Variants in HEMK2 observed in about 807,000 individuals in gnomAD.
HEMK2 encodes methyltransferase HEMK2.
chr21:28,710,211 A>G, the HEMK2 span, among the ~76,000 whole-genome samples: 66 of 152,364 alleles, frequency 4.3e-4, no homozygotes, highest in African/African-American at 1.5e-3. Context: ...TTAATTACAG[A>G]TAAAACCAAC....
the HEMK2 span, among the ~76,000 whole-genome samples, chr21:28,680,873 A>G: frequency 6.6e-6 from 1 of 152,220 alleles, no homozygotes; most frequent in Non-Finnish European, 1.5e-5. Context: ...AAAAACTCTC[A>G]ATAAATTAGG....
chr21:28,581,103 T>C, the HEMK2 span, among the ~76,000 whole-genome samples: 1 of 152,204 alleles, frequency 6.6e-6, no homozygotes. Context: ...AAGGCCCTTT[T>C]GTCAAGCAGT....
At chr21:28,863,410 TTATATATATATATATATATA>T in the HEMK2 span, among the ~76,000 whole-genome samples, 815 of 38,946 alleles carry the variant, frequency 0.021, 25 homozygotes, top group South Asian at 0.066. Flanking sequence ...AAACTCCCTT[TTATATATATATATATATATA>T]TATATATATA....
At chr21:28,688,813 A>T in the HEMK2 span, among the ~76,000 whole-genome samples, 2 of 152,182 alleles carry the variant, frequency 1.3e-5, no homozygotes, top group African/African-American at 2.4e-5. Flanking sequence ...TACAATGAAA[A>T]TATATCCCTA....
the HEMK2 span, among the ~76,000 whole-genome samples, chr21:28,786,766 C>A: frequency 6.6e-6 from 1 of 151,820 alleles, no homozygotes; most frequent in Admixed American, 6.6e-5. Context: ...TTATTAAAAT[C>A]TATTTTCAAA....
the HEMK2 span, among the ~76,000 whole-genome samples, chr21:28,773,065 T>A: frequency 6.6e-6 from 1 of 152,202 alleles, no homozygotes; most frequent in East Asian, 1.9e-4. Flanking sequence ...AATAATTACA[T>A]GAGACCCAAG....
At chr21:28,767,260 C>A in the HEMK2 span, among the ~76,000 whole-genome samples, 1 of 151,928 alleles carries the variant, frequency 6.6e-6, no homozygotes, top group Non-Finnish European at 1.5e-5. Context: ...AATTAAACCT[C>A]TTTCTTTTGT....
the HEMK2 span, among the ~76,000 whole-genome samples, chr21:28,755,688 C>A: frequency 6.8e-6 from 1 of 146,186 alleles, no homozygotes; most frequent in Non-Finnish European, 1.5e-5. Context: ...GGTGCTACTG[C>A]ATAGCCATTC....
At chr21:28,808,124 T>C in the HEMK2 span, among the ~76,000 whole-genome samples, 1 of 152,174 alleles carries the variant, frequency 6.6e-6, no homozygotes, top group East Asian at 1.9e-4. Context: ...AGAGAAGTCA[T>C]GGGCCCCAAC....
chr21:28,685,924 G>C, the HEMK2 span, among the ~76,000 whole-genome samples: 1 of 152,158 alleles, frequency 6.6e-6, no homozygotes, highest in African/African-American at 2.4e-5. Context: ...TGGGAGACAG[G>C]GTCCCTGTAT....
At chr21:28,809,895 C>A in the HEMK2 span, among the ~76,000 whole-genome samples, 1 of 152,134 alleles carries the variant, frequency 6.6e-6, no homozygotes, top group East Asian at 1.9e-4. Flanking sequence ...GAATGAGTAG[C>A]AGTTGATCCA....
the HEMK2 span, among the ~76,000 whole-genome samples, chr21:28,810,889 C>T: frequency 6.6e-6 from 1 of 152,156 alleles, no homozygotes; most frequent in Non-Finnish European, 1.5e-5. Flanking sequence ...ATCTGATCTT[C>T]CAAAGGGCTA....
At chr21:28,753,889 G>C in the HEMK2 span, among the ~76,000 whole-genome samples, 1 of 152,142 alleles carries the variant, frequency 6.6e-6, no homozygotes. Flanking sequence ...ATCTAAAAAG[G>C]CAGTGGAATT....
the HEMK2 span, among the ~76,000 whole-genome samples, chr21:28,808,334 T>C: frequency 1.3e-5 from 2 of 152,036 alleles, no homozygotes; most frequent in African/African-American, 4.8e-5. Context: ...TCTTCTTCTT[T>C]TCCAATATTT....
the HEMK2 span, among the ~76,000 whole-genome samples, chr21:28,687,605 G>C: frequency 6.6e-6 from 1 of 151,854 alleles, no homozygotes; most frequent in African/African-American, 2.4e-5. Flanking sequence ...TTCAATCTTA[G>C]AATAAAGCTT....
the HEMK2 span, among the ~76,000 whole-genome samples, chr21:28,588,273 C>CTCT: frequency 1.5e-3 from 235 of 152,310 alleles, 2 homozygotes; most frequent in African/African-American, 5.4e-3. Context: ...AAGCTTCTTG[C>CTCT]TCTACCCATT....
the HEMK2 span, among the ~76,000 whole-genome samples, chr21:28,632,857 G>A: frequency 6.6e-6 from 1 of 152,190 alleles, no homozygotes; most frequent in East Asian, 1.9e-4. Context: ...CCATAGAAAA[G>A]ATAGCACTGG....
the HEMK2 span, among the ~76,000 whole-genome samples, chr21:28,586,477 A>G: frequency 6.6e-6 from 1 of 152,182 alleles, no homozygotes; most frequent in Non-Finnish European, 1.5e-5. Context: ...CTTGCTACCA[A>G]TCCTCTGCCA....
the HEMK2 span, among the ~76,000 whole-genome samples, chr21:28,642,179 T>A: frequency 6.6e-6 from 1 of 152,230 alleles, no homozygotes; most frequent in African/African-American, 2.4e-5. Context: ...ACCCCAAAAT[T>A]TCACATTAAG....
Sources: allele counts gnomAD v4.1 joint callset (sites outside exome capture counted in the v4.1 genomes callset), GRCh38; gene constraint gnomAD v4.1.1; transcripts MANE v1.5; gene names NCBI Gene and HGNC (gene_info 2026-07-23, HGNC 2026-07-21).